Variants in ODF1 observed in about 807,000 individuals in gnomAD.
ODF1 encodes the protein outer dense fiber protein 1.
In ODF1, 10 loss-of-function variants were observed where a neutral mutation model predicts 24.0. The ratio of observed to expected loss-of-function variants is 0.42; its 90% CI spans 0.26 to 0.71. ODF1 has a LOEUF of 0.71. ODF1 is among the 30% of genes least tolerant of loss of function. ODF1 has a pLI of 0.28. For missense variants in ODF1, 282 were observed against 307.9 expected (o/e 0.92, Z 0.63); for synonymous variants, 118 against 121.3 (o/e 0.97, Z 0.18).
chr8:102,559,017 T>C (rs1826146749), intron 1 of ODF1, among the ~76,000 whole-genome samples: 1 of 150,752 alleles, frequency 6.6e-6, no homozygotes, highest in Admixed American at 6.6e-5. Context: ...AAATATGCCT[T>C]TAACATGCTT....
At chr8:102,557,755 T>G (rs1361385658) in intron 1 of ODF1, among the ~76,000 whole-genome samples, 1 of 152,232 alleles carries the variant, frequency 6.6e-6, no homozygotes, top group Non-Finnish European at 1.5e-5. Context: ...TGGTGGGATT[T>G]GATGTTTCTC....
At chr8:102,559,711 T>C (rs1014129866) in intron 1 of ODF1, among the ~76,000 whole-genome samples, 15 of 151,406 alleles carry the variant, frequency 9.9e-5, no homozygotes, top group Non-Finnish European at 2.2e-4. Context: ...CAAAAGACTT[T>C]CACACAACAC....
At chr8:102,553,109 TC>T (rs971421478) in intron 1 of ODF1, among the ~76,000 whole-genome samples, 6 of 150,146 alleles carry the variant, frequency 4.0e-5, no homozygotes, top group Admixed American at 1.3e-4. Context: ...ATGCCAGTAA[TC>T]CCAGCACTTT....
chr8:102,553,374 CAAAAAA>C (rs55997419), intron 1 of ODF1, among the ~76,000 whole-genome samples: 3 of 108,460 alleles, frequency 2.8e-5, no homozygotes, highest in Non-Finnish European at 3.8e-5. Flanking sequence ...GAGACTGTCT[CAAAAAA>C]AAAAAAAAAA....
intron 1 of ODF1, among the ~76,000 whole-genome samples, chr8:102,556,188 C>T (rs1054834197): frequency 3.9e-5 from 6 of 152,098 alleles, no homozygotes; most frequent in Non-Finnish European, 7.4e-5. Context: ...AGTCAGGGGC[C>T]ATGTTCTTGA....
At position 102,560,952 on chromosome 8, in the gene ODF1, C is replaced by T; in HGVS notation, c.*68C>T. 7.2e-7 allele frequency: 1 copy of T among 1,389,190 alleles called. No homozygotes were observed. The highest frequency in any genetic ancestry group is 1.3e-5 in the South Asian group (1 of 74,224). 86.1% of individuals were successfully genotyped at this position (1,389,190 alleles called of 1,614,324 possible). A position where few individuals can be genotyped will look rare whatever the true frequency, so the allele number is the denominator to read the frequency against. On this transcript the variant is annotated 3_prime_UTR_variant, in exon 2 of 2. Transcript: ENST00000285402. ...CAGCCAGGCAGCTCTCCCAATGTTT[C>T]TCCTCTCCTTCCCATGGCCCCTGTT... is the stretch of plus-strand genomic sequence containing the variant.
intron 1 of ODF1, among the ~76,000 whole-genome samples, chr8:102,558,585 A>G (rs1826141176): frequency 6.6e-6 from 1 of 152,240 alleles, no homozygotes; most frequent in Non-Finnish European, 1.5e-5. Flanking sequence ...ATTAGCCACT[A>G]AGAGTCTTGA....
Position 102,554,013 on chromosome 8 carries a change from A to G in ODF1, c.320+1966A>G, listed in dbSNP as rs531814356. The stretch of plus-strand genomic sequence containing the variant: ...AGGCTTGTCCGCTTTATCTCTTCCA[A>G]TTCACACCACCTTGTGAAATTTCTA... On this transcript the variant is annotated intron_variant, in intron 1 of 1. Transcript: ENST00000285402. 9.0e-5 allele frequency among the ~76,000 whole-genome samples: 11 copies of G among 122,834 alleles called. No individual in the cohort carries two copies. The East Asian group carries it at 1.8e-3, about 20-fold the overall frequency. The allele number at this position is 122,834 out of a possible 152,430, so 80.6% of individuals were successfully genotyped here.
intron 1 of ODF1, among the ~76,000 whole-genome samples, chr8:102,552,384 G>A (rs1295987248): frequency 6.6e-6 from 1 of 152,072 alleles, no homozygotes; most frequent in African/African-American, 2.4e-5. Flanking sequence ...CATTTTTCCT[G>A]GTTATGAGTA....
chr8:102,555,377 G>C (rs1826100348), intron 1 of ODF1, among the ~76,000 whole-genome samples: 1 of 152,114 alleles, frequency 6.6e-6, no homozygotes, highest in African/African-American at 2.4e-5. Context: ...CAGTCCTCGT[G>C]AGCAAATGAA....
intron 1 of ODF1, among the ~76,000 whole-genome samples, chr8:102,553,374 C>CAA (rs55997419): frequency 0.012 from 1,331 of 108,418 alleles, 19 homozygotes; most frequent in African/African-American, 0.041. Flanking sequence ...GAGACTGTCT[C>CAA]AAAAAAAAAA....
At chr8:102,555,374 C>G in intron 1 of ODF1, among the ~76,000 whole-genome samples, 1 of 152,114 alleles carries the variant, frequency 6.6e-6, no homozygotes, top group East Asian at 1.9e-4. Flanking sequence ...AAGCAGTCCT[C>G]GTGAGCAAAT....
At chr8:102,556,994 C>T (rs893241908) in intron 1 of ODF1, among the ~76,000 whole-genome samples, 28 of 152,308 alleles carry the variant, frequency 1.8e-4, no homozygotes, top group African/African-American at 6.3e-4. Context: ...GCTGGGTATG[C>T]AGCTGATCAT....
At chr8:102,558,286 C>T (rs1587812024) in intron 1 of ODF1, among the ~76,000 whole-genome samples, 1 of 152,064 alleles carries the variant, frequency 6.6e-6, no homozygotes, top group South Asian at 2.1e-4. Flanking sequence ...ACCTTCTCTA[C>T]TAAAAATACA....
intron 1 of ODF1, among the ~76,000 whole-genome samples, chr8:102,556,421 G>T (rs200883734): frequency 0.013 from 1,532 of 121,676 alleles, 22 homozygotes; most frequent in African/African-American, 0.044. Context: ...TGTGTTTTTT[G>T]TTGTTGTTGT....
Position 102,560,116 on chromosome 8 carries a change from C to T in ODF1, c.321-336C>T, listed in dbSNP as rs547790251. Among the ~76,000 whole-genome samples, 10 of 151,366 alleles carry T rather than the reference C, an allele frequency of 6.6e-5. 1 individual carries two copies. Among genetic ancestry groups the T allele is most frequent in the Admixed American group, 3.9e-4 (6 of 15,246 alleles). On this transcript the variant is annotated intron_variant, in intron 1 of 1. Coordinates refer to ENST00000285402, the MANE Select transcript of ODF1 (RefSeq NM_024410.4). ...TTATTGTTATCATTATTATTATCTCCATTTTGCAGATGAGGAAACTGAGGT... is the reference window on the plus strand; with the variant it reads ...TTATTGTTATCATTATTATTATCTCTATTTTGCAGATGAGGAAACTGAGGT...
chr8:102,558,802 A>G (rs773495005), intron 1 of ODF1, among the ~76,000 whole-genome samples: 6 of 151,706 alleles, frequency 4.0e-5, no homozygotes, highest in African/African-American at 9.7e-5. Context: ...ATAAAGTCAA[A>G]CACCAAAATG....
chr8:102,559,377 T>C (rs1826151118), intron 1 of ODF1, among the ~76,000 whole-genome samples: 1 of 151,702 alleles, frequency 6.6e-6, no homozygotes, highest in South Asian at 2.1e-4. Context: ...AATTAGTGAA[T>C]AGCAACAAGG....
chr8:102,552,726 A>T (rs993655701), intron 1 of ODF1, among the ~76,000 whole-genome samples: 124 of 152,182 alleles, frequency 8.1e-4, no homozygotes, highest in Non-Finnish European at 1.1e-3. Context: ...TCAGTTTTTT[A>T]AAAAAATTTT....
Sources: allele counts gnomAD v4.1 joint callset (sites outside exome capture counted in the v4.1 genomes callset), GRCh38; gene constraint gnomAD v4.1.1; transcripts MANE v1.5; gene names NCBI Gene and HGNC (gene_info 2026-07-23, HGNC 2026-07-21).